CNTN5: variants seen among roughly 807,000 people sequenced by gnomAD.
CNTN5 encodes the protein contactin-5.
A neutral mutation model predicts 129.1 loss-of-function variants in CNTN5; 77 were observed. That is an observed-to-expected ratio of 0.60 (90% CI 0.50 to 0.72). CNTN5 has a LOEUF of 0.72. CNTN5 is among the 30% of genes least tolerant of loss of function. The pLI is 0.00. For synonymous variants in CNTN5, 509 were observed against 465.6 expected (o/e 1.09, Z -1.20); for missense variants, 1,478 against 1,328.8 (o/e 1.11, Z -1.75).
At chr11:99,104,641 C>CACTT (rs33928075) in intron 1 of CNTN5, among the ~76,000 whole-genome samples, 11 of 151,268 alleles carry the variant, frequency 7.3e-5, no homozygotes, top group South Asian at 2.1e-4. Context: ...CACACACACA[C>CACTT]GTGTATATAT....
intron 2 of CNTN5, among the ~76,000 whole-genome samples, chr11:99,538,722 C>T (rs1428833048): frequency 2.0e-5 from 3 of 152,076 alleles, no homozygotes; most frequent in Admixed American, 2.0e-4. Context: ...TAGGTATCTG[C>T]TGCAATCACT....
At chr11:99,703,924 A>T (rs1954640013) in intron 3 of CNTN5, among the ~76,000 whole-genome samples, 1 of 151,062 alleles carries the variant, frequency 6.6e-6, no homozygotes, top group South Asian at 2.1e-4. Flanking sequence ...AATGCATAGG[A>T]TTGTAGGTAG....
intron 2 of CNTN5, among the ~76,000 whole-genome samples, chr11:99,531,505 C>T (rs917061912): frequency 3.3e-5 from 5 of 152,196 alleles, no homozygotes; most frequent in Non-Finnish European, 7.3e-5. Context: ...TAATGTTAAT[C>T]CCCAAGACCA....
intron 7 of CNTN5, among the ~76,000 whole-genome samples, chr11:99,922,984 A>G (rs1014319067): frequency 6.6e-5 from 10 of 152,210 alleles, no homozygotes; most frequent in Admixed American, 6.5e-4. Context: ...GCTATTTCAA[A>G]TTGTAGCAGC....
At chr11:99,116,450 C>T (rs1205721319) in intron 1 of CNTN5, among the ~76,000 whole-genome samples, 2 of 151,990 alleles carry the variant, frequency 1.3e-5, no homozygotes, top group Admixed American at 6.6e-5. Flanking sequence ...TTTTTATGTG[C>T]TTCGTGGTAT....
intron 3 of CNTN5, among the ~76,000 whole-genome samples, chr11:99,587,264 A>G (rs1220937103): frequency 6.6e-6 from 1 of 152,218 alleles, no homozygotes; most frequent in African/African-American, 2.4e-5. Flanking sequence ...CTCATAGAAT[A>G]GAACATGGAA....
intron 1 of CNTN5, among the ~76,000 whole-genome samples, chr11:99,117,947 C>T (rs747210837): frequency 1.3e-5 from 2 of 152,114 alleles, no homozygotes; most frequent in African/African-American, 4.8e-5. Context: ...GCAGCCCGAG[C>T]GGACTAATAC....
chr11:99,244,752 A>G (rs1380508542), intron 1 of CNTN5, among the ~76,000 whole-genome samples: 1 of 152,140 alleles, frequency 6.6e-6, no homozygotes, highest in Non-Finnish European at 1.5e-5. Flanking sequence ...TGCAAAAAGT[A>G]CTCTTAAGTG....
intron 1 of CNTN5, among the ~76,000 whole-genome samples, chr11:99,074,629 G>T (rs190460930): frequency 9.2e-5 from 14 of 152,034 alleles, no homozygotes; most frequent in Non-Finnish European, 2.9e-5. Context: ...GAGCCACTGC[G>T]CCTGGCCTTT....
intron 1 of CNTN5, among the ~76,000 whole-genome samples, chr11:99,309,518 T>C (rs1220136262): frequency 6.6e-6 from 1 of 152,220 alleles, no homozygotes; most frequent in Non-Finnish European, 1.5e-5. Flanking sequence ...CCTTGTGAAC[T>C]TCCATAGTCT....
At chr11:99,462,177 A>C (rs1034816167) in intron 2 of CNTN5, among the ~76,000 whole-genome samples, 11 of 152,146 alleles carry the variant, frequency 7.2e-5, no homozygotes, top group Non-Finnish European at 1.0e-4. Context: ...CTCTGTATTA[A>C]TTCTACTAAA....
chr11:100,318,068 C>A (rs1044885030), intron 21 of CNTN5, among the ~76,000 whole-genome samples: 1 of 151,692 alleles, frequency 6.6e-6, no homozygotes, highest in African/African-American at 2.4e-5. Context: ...AGTGAAACCC[C>A]GTCTCTACTA....
intron 7 of CNTN5, among the ~76,000 whole-genome samples, chr11:99,939,170 A>T (rs1950379472): frequency 6.6e-6 from 1 of 152,132 alleles, no homozygotes; most frequent in Non-Finnish European, 1.5e-5. Context: ...CATTTCTCTA[A>T]CAATGTAAGA....
rs11222839 is a variant in CNTN5 at position 100,118,669 on chromosome 11, T to C, written c.1580+44375T>C. Among the ~76,000 whole-genome samples, 312 of 152,014 alleles carry C rather than the reference T, an allele frequency of 2.1e-3. 1 individual carries two copies. The highest frequency in any genetic ancestry group is 7.3e-3 in the African/African-American group (304 of 41,536). ...TTTATATTAGTGTCATATTTTATGG[T>C]TTACACAATTACCTGACTAAATAAA... is the stretch of plus-strand genomic sequence containing the variant. On this transcript the variant is annotated intron_variant, in intron 13 of 24. Coordinates refer to ENST00000524871, the MANE Select transcript of CNTN5 (RefSeq NM_014361.4).
chr11:99,741,513 AGT>A (rs1943887478), intron 3 of CNTN5, among the ~76,000 whole-genome samples: 1 of 152,148 alleles, frequency 6.6e-6, no homozygotes, highest in African/African-American at 2.4e-5. Context: ...CTTCAAATGT[AGT>A]TTTCAAACTG....
At position 100,285,579 on chromosome 11, in the gene CNTN5, G is replaced by A. The variant is rs147663151; in HGVS notation, c.2315-12046G>A. Among the ~76,000 whole-genome samples the A allele has an allele frequency of 2.4e-4, 37 of 152,336 alleles. No individual in the cohort carries two copies. In the East Asian group the frequency reaches 6.0e-3, roughly 25 times the overall value. The stretch of plus-strand genomic sequence containing the variant: ...TAGCACAGACAAGGCGAAAGGAGTA[G>A]AGGAAAAGAAGTGTTGAATGAAAGA... On this transcript the variant is annotated intron_variant, in intron 18 of 24. Coordinates refer to ENST00000524871, the MANE Select transcript of CNTN5 (RefSeq NM_014361.4).
At chr11:99,479,810 A>G (rs1171890825) in intron 2 of CNTN5, among the ~76,000 whole-genome samples, 1 of 152,128 alleles carries the variant, frequency 6.6e-6, no homozygotes, top group Non-Finnish European at 1.5e-5. Flanking sequence ...GTAAAGAAAA[A>G]AAAACATTTT....
intron 3 of CNTN5, among the ~76,000 whole-genome samples, chr11:99,792,573 G>GTGTGTGTGTGTC (rs34622017): frequency 0.066 from 7,647 of 116,414 alleles, 311 homozygotes; most frequent in African/African-American, 0.11. Context: ...GTGTGTGTGT[G>GTGTGTGTGTGTC]TGTCTGTCTG....
rs181306851 is a variant in CNTN5, at chr11:99,960,446, C to T, written c.877+3437C>T. Among the ~76,000 whole-genome samples the T allele has an allele frequency of 8.5e-5, 13 of 152,098 alleles. No homozygotes were observed. The East Asian group carries it at 2.3e-3, about 27-fold the overall frequency. On this transcript the variant is annotated intron_variant, in intron 8 of 24. Coordinates refer to ENST00000524871, the MANE Select transcript of CNTN5 (RefSeq NM_014361.4). ...CTTCTTCTTAGACTAACTCTATAAA[C>T]TGGAAAATCAATAAATATCTACAGA...
Sources: gnomAD v4.1 joint callset for allele counts (sites outside exome capture counted in the v4.1 genomes callset) on GRCh38, gnomAD v4.1.1 for gene constraint, MANE v1.5 for transcripts, NCBI Gene and HGNC (gene_info 2026-07-23, HGNC 2026-07-21) for gene names.